FAM171A1: variants seen among roughly 807,000 people sequenced by gnomAD.
FAM171A1 encodes the protein family with sequence similarity 171 member A1.
In FAM171A1, 23 loss-of-function variants were observed where a neutral mutation model predicts 74.9. The ratio of observed to expected loss-of-function variants is 0.31; its 90% CI spans 0.22 to 0.44. The LOEUF (loss-of-function observed/expected upper bound fraction) is 0.44, where lower values mean the gene tolerates loss of function less well. Ranked by LOEUF, FAM171A1 falls within the 20% of genes least tolerant of loss-of-function variation. The pLI is 1.00. For missense variants in FAM171A1, 1,162 were observed against 1,159.2 expected, an observed-to-expected ratio of 1.00 and a Z score of -0.03; for synonymous variants, 527 against 505.7, an observed-to-expected ratio of 1.04 and a Z score of -0.57.
intron 1 of FAM171A1, among the ~76,000 whole-genome samples, chr10:15,363,487 C>T (rs189897769): frequency 1.6e-4 from 24 of 152,320 alleles, no homozygotes; most frequent in Admixed American, 1.6e-3. Context: ...TAACCTGTGG[C>T]AAGGTCATCG....
chr10:15,268,605 G>T (rs1260582161), intron 3 of FAM171A1, among the ~76,000 whole-genome samples: 1 of 152,058 alleles, frequency 6.6e-6, no homozygotes, highest in African/African-American at 2.4e-5. Flanking sequence ...CATTTCAGTG[G>T]GGAGGGTCTG....
At chr10:15,260,379 A>C (rs1834640239) in intron 3 of FAM171A1, among the ~76,000 whole-genome samples, 1 of 152,234 alleles carries the variant, frequency 6.6e-6, no homozygotes, top group Admixed American at 6.5e-5. Flanking sequence ...ACTTAGCTCC[A>C]GGTTTAAATC....
chr10:15,288,383 G>A (rs1835063543), intron 1 of FAM171A1, among the ~76,000 whole-genome samples: 1 of 151,968 alleles, frequency 6.6e-6, no homozygotes, highest in Admixed American at 6.6e-5. Flanking sequence ...GTGGTGATTT[G>A]TGAGATTTTG....
intron 1 of FAM171A1, among the ~76,000 whole-genome samples, chr10:15,284,620 C>A (rs1032127386): frequency 1.3e-5 from 2 of 152,074 alleles, no homozygotes; most frequent in Admixed American, 6.6e-5. Context: ...TGCCATGTTG[C>A]AAAGGCTGGT....
intron 1 of FAM171A1, among the ~76,000 whole-genome samples, chr10:15,329,278 AG>A (rs1468138912): frequency 6.6e-6 from 1 of 152,242 alleles, no homozygotes; most frequent in Non-Finnish European, 1.5e-5. Context: ...TGTAGGCTGC[AG>A]GGAAACCACT....
chr10:15,270,743 G>A (rs1390831866), intron 3 of FAM171A1, among the ~76,000 whole-genome samples: 1 of 152,200 alleles, frequency 6.6e-6, no homozygotes, highest in Non-Finnish European at 1.5e-5. Flanking sequence ...TGCAGCCTCC[G>A]CTGGTGATAC....
intron 3 of FAM171A1, among the ~76,000 whole-genome samples, chr10:15,256,691 T>C (rs1215301008): frequency 2.6e-5 from 4 of 152,194 alleles, no homozygotes; most frequent in Non-Finnish European, 5.9e-5. Flanking sequence ...AGTCTGGTCT[T>C]ATTTTCCCTC....
At chr10:15,307,266 C>T (rs1008756873) in intron 1 of FAM171A1, among the ~76,000 whole-genome samples, 1 of 152,134 alleles carries the variant, frequency 6.6e-6, no homozygotes, top group East Asian at 1.9e-4. Context: ...ACCTGCAACC[C>T]TGACACGACA....
intron 1 of FAM171A1, among the ~76,000 whole-genome samples, chr10:15,322,476 G>A (rs1401035583): frequency 2.0e-5 from 3 of 152,232 alleles, no homozygotes; most frequent in Non-Finnish European, 2.9e-5. Context: ...CACCTGAACT[G>A]TAGCAGCAGC....
At chr10:15,350,402 A>C (rs895274818) in intron 1 of FAM171A1, among the ~76,000 whole-genome samples, 4 of 151,914 alleles carry the variant, frequency 2.6e-5, no homozygotes, top group Non-Finnish European at 2.9e-5. Flanking sequence ...CAGTGGCGTG[A>C]TCTCGGCTCA....
intron 5 of FAM171A1, among the ~76,000 whole-genome samples, chr10:15,222,343 C>G (rs190208287): frequency 1.3e-5 from 2 of 152,166 alleles, no homozygotes; most frequent in Non-Finnish European, 2.9e-5. Context: ...TTATGCAAAC[C>G]TAGATGGTAC....
At chr10:15,355,524 C>T (rs1457220223) in intron 1 of FAM171A1, among the ~76,000 whole-genome samples, 1 of 152,092 alleles carries the variant, frequency 6.6e-6, no homozygotes, top group Non-Finnish European at 1.5e-5. Context: ...TTGATACCAG[C>T]CTGGCCAACT....
intron 1 of FAM171A1, among the ~76,000 whole-genome samples, chr10:15,359,805 G>C (rs1295934546): frequency 5.3e-5 from 8 of 152,210 alleles, no homozygotes; most frequent in African/African-American, 1.9e-4. Context: ...AAGGGGCAAG[G>C]TGACAAGGAA....
intron 1 of FAM171A1, among the ~76,000 whole-genome samples, chr10:15,335,225 C>T (rs560390701): frequency 2.6e-5 from 4 of 152,282 alleles, no homozygotes; most frequent in Non-Finnish European, 5.9e-5. Flanking sequence ...GCCTGGGCGA[C>T]AGAGTGAGAC....
intron 1 of FAM171A1, among the ~76,000 whole-genome samples, chr10:15,360,848 G>A (rs1437456691): frequency 1.3e-5 from 2 of 152,130 alleles, no homozygotes; most frequent in Admixed American, 6.5e-5. Context: ...TCACCCTGGC[G>A]GTTCTGGTAG....
intron 5 of FAM171A1, among the ~76,000 whole-genome samples, chr10:15,232,001 G>A (rs1834213145): frequency 6.6e-6 from 1 of 152,190 alleles, no homozygotes. Context: ...GCTGAGGCAG[G>A]AGGTTTGCTT....
At chr10:15,217,104 T>G (rs934680798) in intron 6 of FAM171A1, among the ~76,000 whole-genome samples, 5 of 152,184 alleles carry the variant, frequency 3.3e-5, no homozygotes, top group African/African-American at 1.2e-4. Context: ...AACTTATACA[T>G]AAGGTTATCA....
intron 2 of FAM171A1, among the ~76,000 whole-genome samples, chr10:15,277,801 G>A (rs1211837107): frequency 6.6e-6 from 1 of 151,968 alleles, no homozygotes; most frequent in Non-Finnish European, 1.5e-5. Context: ...TTGCTACCCA[G>A]GCTGGAGTGC....
intron 5 of FAM171A1, among the ~76,000 whole-genome samples, chr10:15,224,764 A>G (rs1012863579): frequency 6.6e-6 from 1 of 152,094 alleles, no homozygotes; most frequent in Admixed American, 6.6e-5. Context: ...CTGTGAGTCT[A>G]TTAAACCTCT....
Sources: allele counts gnomAD v4.1 joint callset (sites outside exome capture counted in the v4.1 genomes callset), GRCh38; gene constraint gnomAD v4.1.1; transcripts MANE v1.5; gene names NCBI Gene and HGNC (gene_info 2026-07-23, HGNC 2026-07-21).